The following NBDY variants were observed in gnomAD, a reference collection of about 807,000 sequenced individuals.
NBDY encodes negative regulator of P-body association.
chrX:56,786,729 T>G (rs2069730959), intron 2 of NBDY, among the ~76,000 whole-genome samples: 1 of 110,455 alleles, frequency 9.1e-6, no homozygotes, highest in African/African-American at 3.3e-5. Context: ...TCAGCTTTTT[T>G]TCCCCCCTTC....
chrX:56,809,713 G>A (rs1227511155), intron 2 of NBDY, among the ~76,000 whole-genome samples: 2 of 112,029 alleles, frequency 1.8e-5, no homozygotes, highest in Non-Finnish European at 3.8e-5. Context: ...TATCCAATTT[G>A]CCAGTCTGTG....
chrX:56,806,303 A>G (rs2069849884), intron 2 of NBDY, among the ~76,000 whole-genome samples: 1 of 112,045 alleles, frequency 8.9e-6, no homozygotes, highest in East Asian at 2.8e-4. Context: ...TCTTTAGAGT[A>G]GAATGATTTA....
chrX:56,743,157 C>A (rs757809672), intron 2 of NBDY, among the ~76,000 whole-genome samples: 2 of 111,363 alleles, frequency 1.8e-5, no homozygotes, highest in East Asian at 2.8e-4. Flanking sequence ...AGGGATAAAT[C>A]CCACTTGGTC....
chrX:56,786,524 T>TA lies in NBDY; in HGVS notation c.*167-30795dup, dbSNP rs768454221. ...CTTTAATTCTTCTTCTCCTCTTTTT[T>TA]ATCCTCTTGCTCCTTCTCTTCCAAC... On this transcript the variant is annotated intron_variant, in intron 2 of 2. Coordinates refer to ENST00000374922, the MANE Select transcript of NBDY (RefSeq NM_001348129.2). 3.6e-5 allele frequency among the ~76,000 whole-genome samples: 4 copies of TA among 111,094 alleles called. No homozygotes were observed. In the South Asian group the frequency reaches 1.5e-3, roughly 43 times the overall value.
At chrX:56,790,234 C>A (rs2069754390) in intron 2 of NBDY, among the ~76,000 whole-genome samples, 1 of 112,659 alleles carries the variant, frequency 8.9e-6, no homozygotes, top group African/African-American at 3.2e-5. Context: ...CAGTATGGAA[C>A]ACACAGCTCT....
chrX:56,731,486 G>A (rs1273142325), intron 1 of NBDY, among the ~76,000 whole-genome samples: 2 of 109,193 alleles, frequency 1.8e-5, no homozygotes, highest in African/African-American at 3.3e-5. Flanking sequence ...TAGGAGAATC[G>A]CTTGAATCCA....
intron 2 of NBDY, among the ~76,000 whole-genome samples, chrX:56,734,005 T>C (rs2069473319): frequency 8.9e-6 from 1 of 112,406 alleles, no homozygotes; most frequent in African/African-American, 3.2e-5. Context: ...TAAGTTAAAG[T>C]TATTGCAGAG....
chrX:56,789,873 C>G (rs937999361), intron 2 of NBDY, among the ~76,000 whole-genome samples: 1 of 111,623 alleles, frequency 9.0e-6, no homozygotes, highest in African/African-American at 3.3e-5. Flanking sequence ...GTAGCCAGAG[C>G]CCAGACAGTG....
At chrX:56,789,707 T>C (rs2069750519) in intron 2 of NBDY, among the ~76,000 whole-genome samples, 1 of 110,991 alleles carries the variant, frequency 9.0e-6, no homozygotes, top group Non-Finnish European at 1.9e-5. Flanking sequence ...CTCATAGGGG[T>C]CCAGGGGTTG....
At chrX:56,791,398 C>A (rs906019617) in intron 2 of NBDY, among the ~76,000 whole-genome samples, 1 of 112,020 alleles carries the variant, frequency 8.9e-6, no homozygotes, top group Non-Finnish European at 1.9e-5. Flanking sequence ...GTGTCCGATT[C>A]ATCCCCATTT....
At chrX:56,755,891 C>T (rs1355400592) in intron 2 of NBDY, among the ~76,000 whole-genome samples, 4 of 103,968 alleles carry the variant, frequency 3.8e-5, no homozygotes, top group African/African-American at 1.4e-4. Context: ...GGAACCAACC[C>T]AAATGTCCAA....
chrX:56,792,558 G>A (rs2069770179), intron 2 of NBDY, among the ~76,000 whole-genome samples: 1 of 110,647 alleles, frequency 9.0e-6, no homozygotes, highest in Non-Finnish European at 1.9e-5. Flanking sequence ...ACACATGCAC[G>A]TGCAGACACA....
intron 2 of NBDY, among the ~76,000 whole-genome samples, chrX:56,757,878 CAG>C (rs1485655601): frequency 9.0e-6 from 1 of 111,070 alleles, no homozygotes; most frequent in Non-Finnish European, 1.9e-5. Flanking sequence ...TTCCGGGAAA[CAG>C]GGGAGGTGTG....
chrX:56,818,726 G>A lies in NBDY; in HGVS notation c.*1573G>A, dbSNP rs2069921662. 1 of 111,672 alleles carries A rather than the reference G, an allele frequency of 9.0e-6. No individual in the cohort carries two copies. The allele number at this position is 111,672 out of a possible 1,213,427, so 9.2% of individuals were successfully genotyped here. ...ATGAAAATGTAATGGACCCAGAATA[G>A]CCAAAACAATCTTGAAGTATACAAA... On this transcript the variant is annotated 3_prime_UTR_variant, in exon 3 of 3. Coordinates refer to ENST00000374922, the MANE Select transcript of NBDY (RefSeq NM_001348129.2).
intron 2 of NBDY, among the ~76,000 whole-genome samples, chrX:56,794,758 G>C (rs1301934556): frequency 1.8e-5 from 2 of 112,429 alleles, no homozygotes; most frequent in African/African-American, 6.5e-5. Flanking sequence ...CAGGCCGAAT[G>C]CTGGTGCACA....
intron 2 of NBDY, among the ~76,000 whole-genome samples, chrX:56,765,744 ACTC>A (rs1229796453): frequency 7.3e-5 from 7 of 95,605 alleles, no homozygotes; most frequent in Non-Finnish European, 1.1e-4. Context: ...TTATCTTCCT[ACTC>A]CTCCTTTTTC....
intron 1 of NBDY, among the ~76,000 whole-genome samples, chrX:56,731,106 T>G (rs1182225080): frequency 1.8e-5 from 2 of 108,196 alleles, no homozygotes; most frequent in Non-Finnish European, 3.8e-5. Context: ...GACATTGGGT[T>G]TGGTGGTAAT....
chrX:56,805,867 A>G (rs2069846431), intron 2 of NBDY, among the ~76,000 whole-genome samples: 1 of 111,230 alleles, frequency 9.0e-6, no homozygotes, highest in African/African-American at 3.3e-5. Flanking sequence ...CATGTGCAGA[A>G]CACGCAGGTT....
intron 2 of NBDY, among the ~76,000 whole-genome samples, chrX:56,804,021 G>T (rs2069837160): frequency 9.1e-6 from 1 of 109,962 alleles, no homozygotes; most frequent in Admixed American, 9.6e-5. Flanking sequence ...CACCCTTGGG[G>T]CTGTGGCATG....
Sources: allele counts gnomAD v4.1 joint callset (sites outside exome capture counted in the v4.1 genomes callset), GRCh38; gene constraint gnomAD v4.1.1; transcripts MANE v1.5; gene names NCBI Gene and HGNC (gene_info 2026-07-23, HGNC 2026-07-21).